The following AKAP6 variants were observed in gnomAD, a reference collection of about 807,000 sequenced individuals.
AKAP6 encodes A-kinase anchor protein 6.
A neutral mutation model predicts 188.5 loss-of-function variants in AKAP6; 58 were observed. That is an observed-to-expected ratio of 0.31 (90% CI 0.25 to 0.38). The LOEUF is 0.38. Among genes scored for constraint, AKAP6 ranks in the 10% least tolerant of loss-of-function variants. The pLI is 1.00. For missense variants in AKAP6, 2,710 were observed against 2,740.0 expected, an observed-to-expected ratio of 0.99 and a Z score of 0.24; for synonymous variants, 989 against 998.6, an observed-to-expected ratio of 0.99 and a Z score of 0.18.
intron 8 of AKAP6, among the ~76,000 whole-genome samples, chr14:32,679,247 T>C (rs971716271): frequency 2.0e-5 from 3 of 152,128 alleles, no homozygotes; most frequent in Non-Finnish European, 4.4e-5. Flanking sequence ...TCCAGCCCAA[T>C]TGTAATATTT....
intron 7 of AKAP6, among the ~76,000 whole-genome samples, chr14:32,634,701 A>G (rs547382872): frequency 1.9e-4 from 29 of 152,100 alleles, no homozygotes; most frequent in African/African-American, 6.7e-4. Context: ...AGAAATGGCC[A>G]TAGTTTTAAT....
intron 1 of AKAP6, among the ~76,000 whole-genome samples, chr14:32,405,518 AC>A (rs1288889626): frequency 5.9e-5 from 9 of 152,188 alleles, no homozygotes; most frequent in African/African-American, 2.2e-4. Flanking sequence ...CATTTACCAA[AC>A]AAAAATATTT....
rs1594997978 is a variant in AKAP6 at position 32,831,378 on chromosome 14, A to G, written c.*1573A>G. On this transcript the variant is annotated 3_prime_UTR_variant, in exon 14 of 14. Transcript: ENST00000280979. ...TAAATTAGGTGACATGGTGACATCT[A>G]TCCCTTTATTTTGACACTAAAACAT... 6.6e-6 allele frequency: 1 copy of G among 152,230 alleles called. No individual in the cohort carries two copies. Among genetic ancestry groups the G allele is most frequent in the Non-Finnish European group, 1.5e-5 (1 of 68,040 alleles). The allele number at this position is 152,230 out of a possible 1,614,324, so 9.4% of individuals were successfully genotyped here.
At chr14:32,665,329 T>G (rs1447325714) in intron 7 of AKAP6, among the ~76,000 whole-genome samples, 1 of 152,144 alleles carries the variant, frequency 6.6e-6, no homozygotes, top group Non-Finnish European at 1.5e-5. Flanking sequence ...AAGTTGGGGT[T>G]CCCATGACCC....
At chr14:32,801,232 T>C (rs2033940298) in intron 12 of AKAP6, among the ~76,000 whole-genome samples, 1 of 152,186 alleles carries the variant, frequency 6.6e-6, no homozygotes, top group South Asian at 2.1e-4. Context: ...TTTTTCTGCT[T>C]TTTTTATTTT....
intron 11 of AKAP6, among the ~76,000 whole-genome samples, chr14:32,739,351 G>T (rs2031575089): frequency 6.6e-6 from 1 of 151,956 alleles, no homozygotes. Context: ...ATCCCCTCAA[G>T]TATTTACCCT....
chr14:32,436,378 A>G (rs1347119732), intron 2 of AKAP6, among the ~76,000 whole-genome samples: 1 of 152,088 alleles, frequency 6.6e-6, no homozygotes, highest in African/African-American at 2.4e-5. Context: ...TCCTCTCCCA[A>G]TCTTACCAGT....
At chr14:32,431,072 T>C (rs1179835005) in intron 1 of AKAP6, among the ~76,000 whole-genome samples, 1 of 151,144 alleles carries the variant, frequency 6.6e-6, no homozygotes, top group African/African-American at 2.4e-5. Flanking sequence ...ACCACTGCAC[T>C]CCAGCCTGGG....
intron 7 of AKAP6, among the ~76,000 whole-genome samples, chr14:32,651,265 G>A (rs1773104568): frequency 6.6e-6 from 1 of 152,112 alleles, no homozygotes; most frequent in African/African-American, 2.4e-5. Context: ...TAAGCAAGGT[G>A]TTCATGATTA....
intron 12 of AKAP6, among the ~76,000 whole-genome samples, chr14:32,806,787 C>T (rs953013595): frequency 5.9e-5 from 9 of 152,198 alleles, no homozygotes; most frequent in Non-Finnish European, 1.0e-4. Context: ...CTGGAAATCA[C>T]TGAGATCTGG....
chr14:32,362,999 G>T (rs1466884359), intron 1 of AKAP6, among the ~76,000 whole-genome samples: 1 of 152,124 alleles, frequency 6.6e-6, no homozygotes, highest in Non-Finnish European at 1.5e-5. Flanking sequence ...AGACAGAAAA[G>T]CATAAGCCAA....
chr14:32,477,576 C>T (rs1879133987), intron 2 of AKAP6, among the ~76,000 whole-genome samples: 1 of 152,194 alleles, frequency 6.6e-6, no homozygotes, highest in Non-Finnish European at 1.5e-5. Context: ...ATGTGAATGT[C>T]TGTCCTAACA....
chr14:32,815,444 A>C (rs764825840), intron 12 of AKAP6, among the ~76,000 whole-genome samples: 12 of 152,208 alleles, frequency 7.9e-5, no homozygotes, highest in Admixed American at 6.5e-5. Context: ...TTTTTTAAAA[A>C]AAGGTTATTT....
chr14:32,403,193 T>C (rs576891694), intron 1 of AKAP6: 136 of 152,294 alleles, frequency 8.9e-4, no homozygotes, highest in African/African-American at 3.2e-3. Context: ...AGAGGGACCA[T>C]AGCTGTCAAC....
At chr14:32,433,378 T>C (rs1456559078) in intron 1 of AKAP6, 82 bp from the exon 2 acceptor site, 1 of 938,124 alleles carries the variant, frequency 1.1e-6, no homozygotes, top group Non-Finnish European at 1.6e-6. Context: ...AATTTAGAAA[T>C]CCTGTTTCTT....
chr14:32,396,023 A>G (rs897875286), intron 1 of AKAP6, among the ~76,000 whole-genome samples: 2 of 152,162 alleles, frequency 1.3e-5, no homozygotes, highest in Admixed American at 6.5e-5. Flanking sequence ...TGAGAGAAAT[A>G]TGTCATTAAT....
intron 1 of AKAP6, among the ~76,000 whole-genome samples, chr14:32,356,828 G>C (rs1467810449): frequency 6.6e-6 from 1 of 151,896 alleles, no homozygotes. Flanking sequence ...ATATCCCCTA[G>C]CCTTGCTCAC....
chr14:32,568,465 T>C lies in AKAP6; in HGVS notation c.2347-8655T>C, dbSNP rs1205821610. ...AAATATTGTTAATTATAATACTAGA[T>C]ATGAAAAACCTACAATTAAACCATT... On this transcript the variant is annotated intron_variant, in intron 4 of 13. Transcript: ENST00000280979. This position sits in a 1 kb window ranked among gnomAD's most constrained non-coding sequence, Gnocchi z 6.2. 6.6e-6 allele frequency among the ~76,000 whole-genome samples: 1 copy of C among 152,140 alleles called. No individual in the cohort carries two copies. Among genetic ancestry groups the C allele is most frequent in the Non-Finnish European group, 1.5e-5 (1 of 68,018 alleles).
intron 13 of AKAP6, among the ~76,000 whole-genome samples, chr14:32,828,641 T>C (rs2034745537): frequency 6.6e-6 from 1 of 151,858 alleles, no homozygotes; most frequent in Admixed American, 6.6e-5. Context: ...GTTGAAAGAA[T>C]TGATTACCTA....
Sources: gnomAD v4.1 joint callset for allele counts (sites outside exome capture counted in the v4.1 genomes callset) on GRCh38, gnomAD v4.1.1 for gene constraint, Gnocchi (gnomAD v3.1) non-coding constraint, MANE v1.5 for transcripts, NCBI Gene and HGNC (gene_info 2026-07-23, HGNC 2026-07-21) for gene names.